CETP: variants seen among roughly 807,000 people sequenced by gnomAD.
CETP encodes the protein BPI fold containing family F.
In CETP, 56 loss-of-function variants were observed where a neutral mutation model predicts 66.5. That is an observed-to-expected ratio of 0.84 (90% CI 0.68 to 1.05). The LOEUF (loss-of-function observed/expected upper bound fraction) is 1.05, where lower values mean the gene tolerates loss of function less well. Among genes scored for constraint, CETP ranks in the 50% least tolerant of loss-of-function variants. The probability of loss-of-function intolerance (pLI) is 0.00; values close to 1 mark genes in which losing one functional copy is unlikely to be tolerated. For synonymous variants in CETP, 251 were observed against 245.7 expected (o/e 1.02, Z -0.20); for missense variants, 612 against 609.6 (o/e 1.00, Z -0.04).
chr16:56,962,945 T>C (rs527387260), intron 1 of CETP, 65 bp from the exon 2 acceptor site: 36 of 1,428,228 alleles, frequency 2.5e-5, no homozygotes, highest in East Asian at 4.6e-5. Context: ...CCAAGGCCAG[T>C]TGGGGGTGGG....
intron 2 of CETP, among the ~76,000 whole-genome samples, chr16:56,967,604 G>A (rs35926917): frequency 0.086 from 12,829 of 148,828 alleles, 578 homozygotes; most frequent in African/African-American, 0.12. Flanking sequence ...GCAGTGAGCC[G>A]AGATCGTGCC....
At chr16:56,982,825 T>C (rs543324548) in intron 14 of CETP, among the ~76,000 whole-genome samples, 73 of 152,198 alleles carry the variant, frequency 4.8e-4, no homozygotes, top group African/African-American at 1.8e-3. Context: ...CCACATGGCT[T>C]AGGTAGGAGA....
rs528188060 is a variant in CETP at position 56,981,052 on chromosome 16, C to T, written c.1147-106C>T. 82 of 851,124 alleles carry T rather than the reference C, an allele frequency of 9.6e-5. No individual in the cohort carries two copies. The African/African-American group carries it at 1.3e-3, about 13-fold the overall frequency. The allele number at this position is 851,124 out of a possible 1,614,324, so 52.7% of individuals were successfully genotyped here. A position where few individuals can be genotyped will look rare whatever the true frequency, so the allele number is the denominator to read the frequency against. On this transcript the variant is annotated intron_variant, in intron 11 of 15. Coordinates refer to ENST00000200676, the MANE Select transcript of CETP (RefSeq NM_000078.3). ...AAGCCTGGTTCCCGTGTCATCCTTG[C>T]CTCTCCAGTCCCTCAGTGGAAAGAA...
At chr16:56,978,874 G>A (rs1451643748) in intron 11 of CETP, among the ~76,000 whole-genome samples, 2 of 152,096 alleles carry the variant, frequency 1.3e-5, no homozygotes, top group Non-Finnish European at 2.9e-5. Flanking sequence ...TGCCCAGGCT[G>A]GAGTGCGGTG....
rs202133505 is a variant in CETP, at chr16:56,963,035, C to G, written c.144C>G (p.Ile48Met). The change falls in exon 2 of 16, where the codon ATC becomes ATG. Residue 48 changes from isoleucine (I) to methionine (M), a missense_variant. Transcript: ENST00000200676. The part of the protein sequence containing the change: ...LVLNHETAKV[I>M]QTAFQRASYP... ...TGAACCACGAGACTGCCAAGGTGATCCAGACCGCCTTCCAGCGAGCCAGCT... is the reference window on the plus strand; with the variant it reads ...TGAACCACGAGACTGCCAAGGTGATGCAGACCGCCTTCCAGCGAGCCAGCT... 5.0e-6 allele frequency: 8 copies of G among 1,614,150 alleles called. No individual in the cohort carries two copies. The East Asian group carries it at 1.6e-4, about 31-fold the overall frequency.
Position 56,973,392 on chromosome 16 carries a change from T to G in CETP, c.812T>G (p.Leu271Arg), listed in dbSNP as rs764036569. Residue 271 changes from leucine to arginine, a missense_variant, in exon 9 of 16, where the codon CTG becomes CGG. By Grantham distance (102) the Leu-to-Arg change is moderately radical (BLOSUM62 -2). Coordinates refer to ENST00000200676, the MANE Select transcript of CETP (RefSeq NM_000078.3). ...CCCCTCCCCACCTTCTCGCCCACAC[T>G]GCTGGGGGACTCCCGCATGCTGTAC... ...DLPLPTFSPT[L>R]LGDSRMLYFW... The G allele has an allele frequency of 1.2e-5, 19 of 1,614,066 alleles. 1 individual carries two copies. The Admixed American group carries it at 3.2e-4, about 27-fold the overall frequency.
chr16:56,966,835 G>T (rs532178296), intron 2 of CETP, among the ~76,000 whole-genome samples: 2 of 150,166 alleles, frequency 1.3e-5, no homozygotes, highest in Non-Finnish European at 3.0e-5. Flanking sequence ...GGCTGGTCTC[G>T]AACTCCTGAC....
chr16:56,972,917 T>A (rs289713), intron 8 of CETP, among the ~76,000 whole-genome samples: 106,733 of 151,814 alleles, frequency 0.7, 39,069 homozygotes, highest in Non-Finnish European at 0.81. Flanking sequence ...GATGATCTAG[T>A]GGGGCGGGGG....
At chr16:56,976,491 A>T (rs1432249187) in intron 10 of CETP, among the ~76,000 whole-genome samples, 1 of 150,316 alleles carries the variant, frequency 6.7e-6, no homozygotes, top group Non-Finnish European at 1.5e-5. Context: ...TTTTTTTTTA[A>T]GACAGAGTCT....
intron 11 of CETP, among the ~76,000 whole-genome samples, chr16:56,978,745 T>C (rs2142004492): frequency 6.6e-6 from 1 of 152,306 alleles, no homozygotes; most frequent in African/African-American, 2.4e-5. Context: ...CTTGGCCTCC[T>C]AAGTTGCTGG....
In CETP at chr16:56,973,781, A is replaced by G. The variant is rs1396979620; in HGVS notation, c.930+271A>G. On this transcript the variant is annotated intron_variant, in intron 9 of 15. Transcript: ENST00000200676. ...GGAAAGAGTTTATTCAGCCGGGAGC[A>G]TGGGTAAGACTCCTGTCTCAAGAGC... Among the ~76,000 whole-genome samples, 19 of 152,250 alleles carry G rather than the reference A, an allele frequency of 1.2e-4. No homozygotes were observed. The East Asian group carries it at 3.5e-3, about 28-fold the overall frequency.
chr16:56,968,346 C>T lies in CETP; in HGVS notation c.234-1040C>T, dbSNP rs140268708. ...GACTACAGACGCCCACCATCATGCC[C>T]GGTTAATTTTTTTGTATTTTTGTGG... On this transcript the variant is annotated intron_variant, in intron 2 of 15. Transcript: ENST00000200676. Among the ~76,000 whole-genome samples, 307 of 152,172 alleles carry T rather than the reference C, an allele frequency of 2.0e-3. 1 individual carries two copies. The highest frequency in any genetic ancestry group is 0.016 in the East Asian group (82 of 5,182).
intron 2 of CETP, among the ~76,000 whole-genome samples, chr16:56,965,571 G>A (rs972032548): frequency 8.7e-4 from 133 of 152,324 alleles, no homozygotes; most frequent in African/African-American, 3.1e-3. Flanking sequence ...TTCTGTCTCA[G>A]TTCAGTGGGT....
Position 56,969,791 on chromosome 16 carries a change from A to T in CETP, c.439+110A>T, listed in dbSNP as rs2056095724. ...GTTCTGGGGCCACCAAAGGAGGCCC[A>T]GCCTGGGAAGTTTGCAGGGGTGGGG... On this transcript the variant is annotated intron_variant, in intron 4 of 15. Coordinates refer to ENST00000200676, the MANE Select transcript of CETP (RefSeq NM_000078.3). 12 of 1,540,918 alleles carry T rather than the reference A, an allele frequency of 7.8e-6. No homozygotes were observed. In the South Asian group the frequency reaches 1.1e-4, roughly 15 times the overall value.
intron 8 of CETP, among the ~76,000 whole-genome samples, chr16:56,972,372 C>G (rs1379826003): frequency 7.9e-6 from 1 of 127,340 alleles, no homozygotes; most frequent in Non-Finnish European, 1.7e-5. Flanking sequence ...TCATCCTCTA[C>G]AGCAGTGGAT....
At chr16:56,971,852 C>T in intron 7 of CETP, 140 bp from the exon 8 acceptor site, 1 of 759,832 alleles carries the variant, frequency 1.3e-6, no homozygotes, top group Admixed American at 1.9e-5. Context: ...GTGCCACACC[C>T]CTCCCCGCAC....
chr16:56,983,273 G>A, intron 14 of CETP, 53 bp from the exon 15 acceptor site: 1 of 1,515,266 alleles, frequency 6.6e-7, no homozygotes, highest in Non-Finnish European at 9.2e-7. Context: ...CAGAGCCTCG[G>A]GCCGGCCTTG....
At position 56,972,415 on chromosome 16, in the gene CETP, C is replaced by A. The variant is rs1018445369; in HGVS notation, c.750+332C>A. On this transcript the variant is annotated intron_variant, in intron 8 of 15. Transcript: ENST00000200676. ...CCCCCCCAGGGGGTACTGACAAAAGCTTTGGACCCTCTATTACTTAGGATA... is the reference window on the plus strand; with the variant it reads ...CCCCCCCAGGGGGTACTGACAAAAGATTTGGACCCTCTATTACTTAGGATA... 5.3e-5 allele frequency among the ~76,000 whole-genome samples: 8 copies of A among 152,330 alleles called. No individual in the cohort carries two copies. The East Asian group carries it at 1.2e-3, about 22-fold the overall frequency.
Position 56,969,808 on chromosome 16 carries a change from G to A in CETP, c.440-106G>A, listed in dbSNP as rs2056095823. ...GGAGGCCCAGCCTGGGAAGTTTGCA[G>A]GGGTGGGGACCCCAGAGCTGGCCAA... is the stretch of plus-strand genomic sequence containing the variant. On this transcript the variant is annotated intron_variant, in intron 4 of 15. Transcript: ENST00000200676. 3.2e-6 allele frequency: 5 copies of A among 1,543,788 alleles called. No individual in the cohort carries two copies. The Admixed American group carries it at 7.2e-5, about 22-fold the overall frequency.
Sources: gnomAD v4.1 joint callset for allele counts (sites outside exome capture counted in the v4.1 genomes callset) on GRCh38, gnomAD v4.1.1 for gene constraint, MANE v1.5 for transcripts, NCBI Gene and HGNC (gene_info 2026-07-23, HGNC 2026-07-21) for gene names.